Variants in PDE10A observed in about 807,000 individuals in gnomAD.
The protein encoded by PDE10A is phosphodiesterase 10A, also known as cAMP and cAMP-inhibited cGMP 3',5'-cyclic phosphodiesterase 10A.
In PDE10A, 39 loss-of-function variants were observed where a neutral mutation model predicts 97.7. The observed-to-expected ratio is 0.40, with a 90% confidence interval of 0.31 to 0.52. The LOEUF is 0.52. Ranked by LOEUF, PDE10A falls within the 20% of genes least tolerant of loss-of-function variation. PDE10A has a pLI of 0.56. For synonymous variants in PDE10A, 371 were observed against 376.8 expected (o/e 0.98, Z 0.18); for missense variants, 731 against 1,047.8 (o/e 0.70, Z 4.17).
At chr6:165,409,887 A>ATT (rs1787595966) in intron 13 of PDE10A, among the ~76,000 whole-genome samples, 1 of 87,044 alleles carries the variant, frequency 1.1e-5, no homozygotes, top group Admixed American at 1.2e-4. Flanking sequence ...ACTTTTCAGA[A>ATT]GTTTTTTTTT....
rs147524509 is a variant in PDE10A at position 165,474,700 on chromosome 6, ACTT to A, written c.1023+7612_1023+7614del. Among the ~76,000 whole-genome samples the A allele has an allele frequency of 9.5e-3, 1,453 of 152,214 alleles. 28 individuals are homozygous for A. The highest frequency in any genetic ancestry group is 0.034 in the African/African-American group (1,395 of 41,524). On this transcript the variant is annotated intron_variant, in intron 3 of 21. Coordinates refer to ENST00000539869, the MANE Select transcript of PDE10A (RefSeq NM_001385079.1). ...AAGAAAAAAAAATCCATTTTACGCA[ACTT>A]CTTGTTAGGCTAAATGAGGTTCTAA...
At chr6:165,392,923 T>C in intron 15 of PDE10A, 127 bp from the exon 16 acceptor site, 1 of 774,360 alleles carries the variant, frequency 1.3e-6, no homozygotes, top group East Asian at 2.7e-5. Flanking sequence ...ATTTCCACCC[T>C]GACTGAATCC....
chr6:165,588,622 C>T (rs1180092644), intron 1 of PDE10A, among the ~76,000 whole-genome samples: 3 of 152,026 alleles, frequency 2.0e-5, no homozygotes, highest in Non-Finnish European at 4.4e-5. Flanking sequence ...TTGTCCCCTA[C>T]TATCAAGTCA....
At chr6:165,420,430 A>G (rs2128231613) in intron 10 of PDE10A, among the ~76,000 whole-genome samples, 1 of 152,350 alleles carries the variant, frequency 6.6e-6, no homozygotes, top group African/African-American at 2.4e-5. Context: ...GGAAAAATGA[A>G]TGACATAAAG....
Position 165,328,873 on chromosome 6 carries a change from C to T in PDE10A, c.*4152G>A, listed in dbSNP as rs1193803656. The T allele has an allele frequency of 6.6e-6, 1 of 152,092 alleles. No homozygotes were observed. The highest frequency in any genetic ancestry group is 1.5e-5 in the Non-Finnish European group (1 of 68,012). 9.4% of individuals were successfully genotyped at this position (152,092 alleles called of 1,614,324 possible). A position where few individuals can be genotyped will look rare whatever the true frequency, so the allele number is the denominator to read the frequency against. On this transcript the variant is annotated 3_prime_UTR_variant, in exon 22 of 22. Transcript: ENST00000539869. ...CTGCATTGGATATTACTAATTTAAA[C>T]AATATAAATGGTTAAAGAAGTCAGC...
In PDE10A at chr6:165,661,888, C is replaced by G; in HGVS notation, c.865+59G>C. The G allele has an allele frequency of 2.7e-6, 2 of 749,946 alleles. No homozygotes were observed. Among genetic ancestry groups the G allele is most frequent in the Middle Eastern group, 2.8e-4 (1 of 3,632 alleles). The allele number at this position is 749,946 out of a possible 1,614,324, so 46.5% of individuals were successfully genotyped here. ...CCACCCAGCAGTCCAAGCCCCCCAC[C>G]TGCCCCCAGGGGATGAGGAGCCGCC... On this transcript the variant is annotated intron_variant, in intron 1 of 21. Coordinates refer to ENST00000539869, the MANE Select transcript of PDE10A (RefSeq NM_001385079.1). The surrounding 1 kb of genome is among the most constrained non-coding windows in gnomAD (Gnocchi z 4.8).
chr6:165,903,610 T>C, intron 1 of PDE10A, among the ~76,000 whole-genome samples: 1 of 152,176 alleles, frequency 6.6e-6, no homozygotes, highest in East Asian at 1.9e-4. Flanking sequence ...CAGTAAACTG[T>C]TGTATAACAG....
Position 165,570,737 on chromosome 6 carries a change from G to A in PDE10A, c.866-27169C>T, listed in dbSNP as rs141431228. 2.8e-3 allele frequency among the ~76,000 whole-genome samples: 427 copies of A among 152,204 alleles called. 2 individuals are homozygous for A. Among genetic ancestry groups the A allele is most frequent in the African/African-American group, 9.8e-3 (407 of 41,524 alleles). Reference sequence around the variant, plus strand: ...CTCTGGTCTTTGAAGTAGAAACTACGTCTTAATCATCTTATCCTCAGTGCT... The same window carrying A: ...CTCTGGTCTTTGAAGTAGAAACTACATCTTAATCATCTTATCCTCAGTGCT... On this transcript the variant is annotated intron_variant, in intron 1 of 21. Coordinates refer to ENST00000539869, the MANE Select transcript of PDE10A (RefSeq NM_001385079.1).
intron 1 of PDE10A, among the ~76,000 whole-genome samples, chr6:165,566,712 C>T (rs1287542716): frequency 1.3e-5 from 2 of 152,200 alleles, no homozygotes; most frequent in South Asian, 2.1e-4. Context: ...AGGCAACCAA[C>T]AGCTGCTAAA....
chr6:165,702,167 A>G (rs1463946234), intron 1 of PDE10A, among the ~76,000 whole-genome samples: 1 of 152,248 alleles, frequency 6.6e-6, no homozygotes, highest in Non-Finnish European at 1.5e-5. Context: ...ATGCCCTGGG[A>G]CGGCAGAGGG....
chr6:165,778,836 A>AT (rs1023021874), intron 1 of PDE10A, among the ~76,000 whole-genome samples: 1 of 151,888 alleles, frequency 6.6e-6, no homozygotes. Context: ...TTGTTGCCCA[A>AT]TTTTTTTTAA....
At chr6:165,979,488 A>C (rs1229342873) in intron 1 of PDE10A, among the ~76,000 whole-genome samples, 1 of 152,216 alleles carries the variant, frequency 6.6e-6, no homozygotes, top group Non-Finnish European at 1.5e-5. Context: ...GAATATAAAT[A>C]TTTCTTCTTG....
At chr6:165,838,334 G>C (rs1780122870) in intron 1 of PDE10A, among the ~76,000 whole-genome samples, 1 of 152,032 alleles carries the variant, frequency 6.6e-6, no homozygotes, top group African/African-American at 2.4e-5. Context: ...AGATTTTTTT[G>C]ACCTTTGTTT....
intron 1 of PDE10A, among the ~76,000 whole-genome samples, chr6:165,559,872 G>A (rs1291708577): frequency 2.0e-5 from 3 of 152,100 alleles, no homozygotes; most frequent in South Asian, 2.1e-4. Flanking sequence ...CTCTCTTGCC[G>A]CCGCCATGTA....
chr6:165,821,379 G>A (rs1383523048), intron 1 of PDE10A, among the ~76,000 whole-genome samples: 1 of 152,184 alleles, frequency 6.6e-6, no homozygotes, highest in African/African-American at 2.4e-5. Context: ...GTGAGACAGT[G>A]AAATCACCTC....
At chr6:165,779,352 T>C (rs564819741) in intron 1 of PDE10A, among the ~76,000 whole-genome samples, 39 of 152,356 alleles carry the variant, frequency 2.6e-4, no homozygotes, top group African/African-American at 9.1e-4. Context: ...AATGATCGTG[T>C]GTTCACACTT....
chr6:165,597,348 T>C (rs1473477787), intron 1 of PDE10A, among the ~76,000 whole-genome samples: 1 of 152,156 alleles, frequency 6.6e-6, no homozygotes, highest in Non-Finnish European at 1.5e-5. Context: ...TAATATAGAG[T>C]ACTAAAAGCC....
intron 1 of PDE10A, among the ~76,000 whole-genome samples, chr6:165,847,914 A>G (rs923036051): frequency 7.2e-5 from 11 of 152,222 alleles, no homozygotes; most frequent in Non-Finnish European, 1.0e-4. Flanking sequence ...TATTGCATTC[A>G]ATGGAAATTT....
At chr6:165,587,923 G>C (rs1786010916) in intron 1 of PDE10A, among the ~76,000 whole-genome samples, 1 of 152,178 alleles carries the variant, frequency 6.6e-6, no homozygotes, top group Non-Finnish European at 1.5e-5. Context: ...GGACGGCTTA[G>C]AGATCTAGCA....
Sources: gnomAD v4.1 joint callset for allele counts (sites outside exome capture counted in the v4.1 genomes callset) on GRCh38, gnomAD v4.1.1 for gene constraint, Gnocchi (gnomAD v3.1) non-coding constraint, MANE v1.5 for transcripts, NCBI Gene and HGNC (gene_info 2026-07-23, HGNC 2026-07-21) for gene names.